TMCO1: variants seen among roughly 807,000 people sequenced by gnomAD.
TMCO1 encodes calcium load-activated calcium channel.
A neutral mutation model predicts 29.3 loss-of-function variants in TMCO1; 29 were observed. That is an observed-to-expected ratio of 0.99 (90% CI 0.74 to 1.35). The LOEUF (loss-of-function observed/expected upper bound fraction) is 1.35. TMCO1 is among the 40% of genes most tolerant of loss of function. The pLI is 0.00. For synonymous variants in TMCO1, 80 were observed against 77.1 expected (o/e 1.04, Z -0.20); for missense variants, 173 against 225.5 (o/e 0.77, Z 1.49).
intron 6 of TMCO1, among the ~76,000 whole-genome samples, chr1:165,732,313 G>A (rs2101787982): frequency 6.8e-6 from 1 of 147,490 alleles, no homozygotes; most frequent in East Asian, 2.0e-4. Flanking sequence ...ATAACTCAAA[G>A]TGCAGTTTTC....
intron 6 of TMCO1, among the ~76,000 whole-genome samples, chr1:165,731,831 ATACTT>A (rs1397496929): frequency 6.6e-6 from 1 of 152,228 alleles, no homozygotes; most frequent in Non-Finnish European, 1.5e-5. Context: ...CCTTTACTCT[ATACTT>A]TCCTTTCCTT....
intron 6 of TMCO1, among the ~76,000 whole-genome samples, chr1:165,729,103 TAAAA>T (rs553390393): frequency 2.9e-4 from 22 of 76,356 alleles, no homozygotes; most frequent in African/African-American, 1.1e-3. Context: ...AGATTCTGTC[TAAAA>T]AAAAAAAAAA....
intron 6 of TMCO1, among the ~76,000 whole-genome samples, chr1:165,737,897 G>A (rs543099224): frequency 6.6e-5 from 10 of 152,272 alleles, no homozygotes; most frequent in African/African-American, 2.4e-4. Context: ...GAAGATTCAG[G>A]CAATCCTTCT....
In TMCO1 at chr1:165,768,732, T is replaced by G. The variant is rs1448690745; in HGVS notation, c.20A>C (p.Asp7Ala). Reference protein sequence around the residue: MSTMFADTLLIVFISVC... With the variant: MSTMFAATLLIVFISVC... Reference sequence around the variant, plus strand: ...AGAGATAAAAACGATGAGGAGAGTGTCCGCGAACATAGTGCTCATCTCGCA... The same window carrying G: ...AGAGATAAAAACGATGAGGAGAGTGGCCGCGAACATAGTGCTCATCTCGCA... Residue 7 changes from aspartate to alanine, a missense_variant, in exon 1 of 7, where the codon GAC becomes GCC. Coordinates refer to ENST00000367881, the MANE Select transcript of TMCO1 (RefSeq NM_019026.6). 2 of 1,613,882 alleles carry G rather than the reference T, an allele frequency of 1.2e-6. No individual in the cohort carries two copies. Among genetic ancestry groups the G allele is most frequent in the East Asian group, 2.2e-5 (1 of 44,856 alleles).
At chr1:165,759,724 T>C (rs988021906) in intron 2 of TMCO1, 140 bp from the exon 3 acceptor site, 5 of 683,938 alleles carry the variant, frequency 7.3e-6, no homozygotes, top group Non-Finnish European at 1.3e-5. Context: ...TTAAGTTAAC[T>C]GGTCCACTCT....
In TMCO1 at chr1:165,727,829, A is replaced by T; in HGVS notation, c.*194T>A. The T allele has an allele frequency of 1.9e-6, 1 of 522,682 alleles. No homozygotes were observed. The highest frequency in any genetic ancestry group is 3.7e-6 in the Non-Finnish European group (1 of 271,190). 32.4% of individuals were successfully genotyped at this position (522,682 alleles called of 1,614,324 possible). ...TCAATCCACTTATTTGATAAAAATCATCTAGGACCAAAAGCACTATCAAGT... is the reference window on the plus strand; with the variant it reads ...TCAATCCACTTATTTGATAAAAATCTTCTAGGACCAAAAGCACTATCAAGT... On this transcript the variant is annotated 3_prime_UTR_variant, in exon 7 of 7. Coordinates refer to ENST00000367881, the MANE Select transcript of TMCO1 (RefSeq NM_019026.6).
rs566781684 is a variant in TMCO1 at position 165,766,258 on chromosome 1, C to T, written c.148+1934G>A. On this transcript the variant is annotated intron_variant, in intron 2 of 6. Transcript: ENST00000367881. ...TGAGGAACAAGTATTCAATTTGGGA[C>T]GTGTTGGGACTGAGCTGTCCACCAA... Among the ~76,000 whole-genome samples the T allele has an allele frequency of 9.8e-5, 15 of 152,296 alleles. No homozygotes were observed. The South Asian group carries it at 1.2e-3, about 13-fold the overall frequency.
intron 6 of TMCO1, among the ~76,000 whole-genome samples, chr1:165,736,559 T>C (rs1479740460): frequency 2.0e-5 from 3 of 151,988 alleles, no homozygotes; most frequent in African/African-American, 7.2e-5. Flanking sequence ...CGCTCTCTCC[T>C]AAAAATACAA....
intron 4 of TMCO1, 63 bp from the exon 5 acceptor site, chr1:165,752,232 A>C: frequency 5.4e-4 from 709 of 1,315,518 alleles, no homozygotes; most frequent in Non-Finnish European, 6.9e-4. Flanking sequence ...AGCATATCTC[A>C]AAAGTTTTGG....
intron 6 of TMCO1, among the ~76,000 whole-genome samples, chr1:165,732,987 TAAC>T (rs1651231612): frequency 6.6e-6 from 1 of 152,176 alleles, no homozygotes; most frequent in African/African-American, 2.4e-5. Flanking sequence ...AAAAAAAGAA[TAAC>T]AACAATAATA....
chr1:165,762,859 A>G (rs150454826), intron 2 of TMCO1, among the ~76,000 whole-genome samples: 1 of 152,344 alleles, frequency 6.6e-6, no homozygotes, highest in African/African-American at 2.4e-5. Context: ...ACAAGAATCA[A>G]GTTATATATA....
At chr1:165,725,582 T>G, downstream of TMCO1, 1 of 454,110 alleles carries the variant, frequency 2.2e-6, no homozygotes, top group South Asian at 1.6e-5. Flanking sequence ...ACAATCCATC[T>G]TACATAGGGA....
At chr1:165,726,727 A>T (rs1322455814), downstream of TMCO1, 1 of 453,956 alleles carries the variant, frequency 2.2e-6, no homozygotes, top group Non-Finnish European at 4.4e-6. Flanking sequence ...TGTATGCCAT[A>T]CCTTCACCTT....
intron 2 of TMCO1, among the ~76,000 whole-genome samples, chr1:165,761,401 G>T (rs112167809): frequency 6.6e-6 from 1 of 152,108 alleles, no homozygotes; most frequent in South Asian, 2.1e-4. Context: ...CGAGTGTGGT[G>T]GCACATGCCT....
rs138831415 is a variant in TMCO1, at chr1:165,759,008, G to T, written c.208+517C>A. Among the ~76,000 whole-genome samples the T allele has an allele frequency of 8.6e-5, 13 of 152,018 alleles. No individual in the cohort carries two copies. The East Asian group carries it at 2.5e-3, about 29-fold the overall frequency. On this transcript the variant is annotated intron_variant, in intron 3 of 6. Coordinates refer to ENST00000367881, the MANE Select transcript of TMCO1 (RefSeq NM_019026.6). ...AAACAAATCATATACAATCCTTTAC[G>T]AATTGTCTTTTGGAAACAGAATTAC...
chr1:165,768,047 T>C, intron 2 of TMCO1, 145 bp downstream of exon 2: 1 of 738,554 alleles, frequency 1.4e-6, no homozygotes, highest in South Asian at 1.5e-5. Context: ...GTATTACACA[T>C]TTTGCATAAA....
rs758994650 is a variant in TMCO1, at chr1:165,743,222, G to A, written c.413C>T (p.Thr138Ile). ...LSHRNLLGDDTTDCSFIFLYI... is the reference protein window; with the variant it reads ...LSHRNLLGDDITDCSFIFLYI... ...CAGGAAAATGAAGGAACAGTCTGTG[G>A]TGTCATCTCCCAGCAGATTTCGATG... Residue 138 changes from threonine (T) to isoleucine (I), a missense_variant, in exon 6 of 7, where the codon ACC (threonine) becomes ATC (isoleucine). Physicochemically the swap from Thr to Ile is moderately conservative, Grantham distance 89. Coordinates refer to ENST00000367881, the MANE Select transcript of TMCO1 (RefSeq NM_019026.6). 4.3e-6 allele frequency: 7 copies of A among 1,613,790 alleles called. No homozygotes were observed. In the African/African-American group the frequency reaches 9.4e-5, roughly 22 times the overall value.
At chr1:165,740,128 C>T (rs1651537610) in intron 6 of TMCO1, among the ~76,000 whole-genome samples, 1 of 151,990 alleles carries the variant, frequency 6.6e-6, no homozygotes, top group Non-Finnish European at 1.5e-5. Flanking sequence ...ATAACAACAA[C>T]AACAACAACA....
At chr1:165,738,936 C>CT (rs1445111336) in intron 6 of TMCO1, among the ~76,000 whole-genome samples, 1 of 152,082 alleles carries the variant, frequency 6.6e-6, no homozygotes, top group Non-Finnish European at 1.5e-5. Flanking sequence ...TCCTTATAGA[C>CT]TTTTTTTCTC....
Sources: allele counts gnomAD v4.1 joint callset (sites outside exome capture counted in the v4.1 genomes callset), GRCh38; gene constraint gnomAD v4.1.1; transcripts MANE v1.5; gene names NCBI Gene and HGNC (gene_info 2026-07-23, HGNC 2026-07-21).